NPAS3: variants seen among roughly 807,000 people sequenced by gnomAD.
NPAS3 encodes neuronal PAS domain-containing protein 3.
In NPAS3, 14 loss-of-function variants were observed where a neutral mutation model predicts 73.1. The observed-to-expected ratio is 0.19, with a 90% confidence interval of 0.13 to 0.30. The LOEUF (loss-of-function observed/expected upper bound fraction) is 0.30. Among genes scored for constraint, NPAS3 ranks in the 10% least tolerant of loss-of-function variants. The pLI is 1.00. For synonymous variants in NPAS3, 620 were observed against 541.5 expected (o/e 1.14, Z -2.01); for missense variants, 1,096 against 1,250.0 (o/e 0.88, Z 1.86).
At chr14:33,435,634 G>A (rs1468156970) in intron 4 of NPAS3, among the ~76,000 whole-genome samples, 1 of 152,166 alleles carries the variant, frequency 6.6e-6, no homozygotes, top group Non-Finnish European at 1.5e-5. Flanking sequence ...AGAGCCCATA[G>A]GCTTCCAAGT....
intron 4 of NPAS3, among the ~76,000 whole-genome samples, chr14:33,378,670 G>A (rs560852793): frequency 1.3e-5 from 2 of 152,184 alleles, no homozygotes; most frequent in Non-Finnish European, 1.5e-5. Context: ...TAAATTTGGT[G>A]TTTATGTGGA....
At chr14:33,447,355 G>A (rs1244978240) in intron 4 of NPAS3, among the ~76,000 whole-genome samples, 2 of 152,214 alleles carry the variant, frequency 1.3e-5, no homozygotes, top group Admixed American at 1.3e-4. Context: ...TGTGTGCTAT[G>A]AGAGTGTGCG....
At chr14:33,125,280 T>C (rs1353024319) in intron 2 of NPAS3, among the ~76,000 whole-genome samples, 1 of 152,084 alleles carries the variant, frequency 6.6e-6, no homozygotes, top group Non-Finnish European at 1.5e-5. Context: ...ATATGAGATA[T>C]GATTTAACTC....
intron 2 of NPAS3, among the ~76,000 whole-genome samples, chr14:33,110,572 A>C (rs912623580): frequency 6.6e-6 from 1 of 152,152 alleles, no homozygotes; most frequent in Admixed American, 6.5e-5. Context: ...AATCCTTAGA[A>C]TATACTTTGG....
At chr14:33,799,892 G>A (rs1244283612) in exon 12 of NPAS3, 3 of 1,614,068 alleles carry the variant, frequency 1.9e-6, no homozygotes, top group East Asian at 4.5e-5. Context: ...CCGCGACAGC[G>A]ACGACAGCTT....
intron 4 of NPAS3, among the ~76,000 whole-genome samples, chr14:33,430,324 A>G (rs771774495): frequency 2.6e-5 from 4 of 151,928 alleles, no homozygotes; most frequent in Non-Finnish European, 5.9e-5. Context: ...AAAGAGTAAA[A>G]TATTTTCCTA....
chr14:33,143,986 C>A (rs1348995365), intron 2 of NPAS3, among the ~76,000 whole-genome samples: 1 of 152,098 alleles, frequency 6.6e-6, no homozygotes, highest in Non-Finnish European at 1.5e-5. Context: ...TTGTTTTCCT[C>A]TTTTGACTAT....
intron 2 of NPAS3, among the ~76,000 whole-genome samples, chr14:33,124,294 G>A (rs1441841628): frequency 1.3e-5 from 2 of 152,056 alleles, no homozygotes; most frequent in East Asian, 1.9e-4. Context: ...GATGAGAAAG[G>A]GTGAGTTGTC....
At position 33,493,885 on chromosome 14, in the gene NPAS3, C is replaced by T. The variant is rs368340147; in HGVS notation, c.469-66236C>T. On this transcript the variant is annotated intron_variant, in intron 4 of 11. Transcript: ENST00000356141. ...AATTATCTAGGCACATAGTCTTTAG[C>T]GGGGATTGTTGCCATTTATTTAAAG... Among the ~76,000 whole-genome samples the T allele has an allele frequency of 1.5e-3, 221 of 152,080 alleles. 1 individual carries two copies. The highest frequency in any genetic ancestry group is 8.7e-3 in the South Asian group (42 of 4,808).
chr14:32,990,414 C>G (rs994796870), intron 1 of NPAS3, among the ~76,000 whole-genome samples: 6 of 152,068 alleles, frequency 3.9e-5, no homozygotes, highest in African/African-American at 1.2e-4. Context: ...CTTTTTGTGG[C>G]TTTAAATTTT....
chr14:33,115,614 G>A (rs1390140762), intron 2 of NPAS3, among the ~76,000 whole-genome samples: 4 of 152,212 alleles, frequency 2.6e-5, no homozygotes, highest in South Asian at 2.1e-4. Context: ...ACCTAGAAAT[G>A]CAAACTATTT....
chr14:33,690,858 G>GTT lies in NPAS3; in HGVS notation c.733+14475_733+14476dup, dbSNP rs1361742442. On this transcript the variant is annotated intron_variant, in intron 6 of 11. Coordinates refer to ENST00000356141, the Ensembl canonical transcript of NPAS3. ...TCCATTAAAAAAGTCATTATTTTTA[G>GTT]TTTAAAATTTGTTAAAAAAAAAAAA... 9.4e-5 allele frequency among the ~76,000 whole-genome samples: 10 copies of GTT among 106,684 alleles called. No individual in the cohort carries two copies. The East Asian group carries it at 3.1e-3, about 33-fold the overall frequency. 70.0% of individuals were successfully genotyped at this position (106,684 alleles called of 152,430 possible). A position where few individuals can be genotyped will look rare whatever the true frequency, so the allele number is the denominator to read the frequency against.
At chr14:33,499,677 G>T (rs2052414600) in intron 4 of NPAS3, among the ~76,000 whole-genome samples, 1 of 151,742 alleles carries the variant, frequency 6.6e-6, no homozygotes, top group South Asian at 2.1e-4. Flanking sequence ...TTTGCCCATG[G>T]GACAATTATA....
intron 5 of NPAS3, among the ~76,000 whole-genome samples, chr14:33,565,620 T>C (rs2055886849): frequency 1.3e-5 from 2 of 151,802 alleles, no homozygotes; most frequent in Admixed American, 6.6e-5. Flanking sequence ...TTTAGTGGGG[T>C]TGAAAAAAAA....
At chr14:33,174,907 T>C (rs548542449) in intron 2 of NPAS3, among the ~76,000 whole-genome samples, 1 of 152,282 alleles carries the variant, frequency 6.6e-6, no homozygotes, top group African/African-American at 2.4e-5. Flanking sequence ...GGGAAACATA[T>C]GGAATATCAT....
intron 4 of NPAS3, among the ~76,000 whole-genome samples, chr14:33,555,068 G>A (rs1202808728): frequency 6.7e-6 from 1 of 149,850 alleles, no homozygotes; most frequent in Admixed American, 6.6e-5. Context: ...CTCACTTCTT[G>A]CATGTGTACC....
intron 3 of NPAS3, among the ~76,000 whole-genome samples, chr14:33,271,588 G>T (rs1390495587): frequency 6.6e-6 from 1 of 152,066 alleles, no homozygotes; most frequent in Non-Finnish European, 1.5e-5. Flanking sequence ...CTTAAAAAAG[G>T]ATAATAATTC....
rs144103744 is a variant in NPAS3 at position 33,693,890 on chromosome 14, C to G, written c.733+17505C>G. Among the ~76,000 whole-genome samples the G allele has an allele frequency of 5.8e-3, 889 of 152,260 alleles. 7 individuals carry two copies. The highest frequency in any genetic ancestry group is 0.021 in the African/African-American group (853 of 41,546). On this transcript the variant is annotated intron_variant, in intron 6 of 11. Transcript: ENST00000356141. ...AACCTGCTTGTGTTTTGTTCTTCAT[C>G]ATAATTATTTCCAAGTCAAATCTGC...
intron 6 of NPAS3, among the ~76,000 whole-genome samples, chr14:33,710,124 CAT>C (rs1190614434): frequency 3.9e-5 from 6 of 152,206 alleles, no homozygotes; most frequent in Non-Finnish European, 8.8e-5. Flanking sequence ...AATCTCTGCT[CAT>C]GTGATAGGAA....
Sources: allele counts gnomAD v4.1 joint callset (sites outside exome capture counted in the v4.1 genomes callset), GRCh38; gene constraint gnomAD v4.1.1; transcripts MANE v1.5; gene names NCBI Gene and HGNC (gene_info 2026-07-23, HGNC 2026-07-21).